Variants in ADCY5 observed in about 807,000 individuals in gnomAD.
ADCY5 encodes the protein adenylate cyclase 5, also known as adenylate cyclase type 5.
A neutral mutation model predicts 119.7 loss-of-function variants in ADCY5; 30 were observed. That is an observed-to-expected ratio of 0.25 (90% CI 0.19 to 0.34). The LOEUF is 0.34. ADCY5 is among the 10% of genes least tolerant of loss of function. The probability of loss-of-function intolerance (pLI) is 1.00; values close to 1 mark genes in which losing one functional copy is unlikely to be tolerated. For synonymous variants in ADCY5, 753 were observed against 762.2 expected, an observed-to-expected ratio of 0.99 and a Z score of 0.20; for missense variants, 1,324 against 1,775.2, an observed-to-expected ratio of 0.75 and a Z score of 4.57.
In ADCY5 at chr3:123,289,747, C is replaced by T. The variant is rs1014244038; in HGVS notation, c.3532+3G>A. ...GCTCAGCACTCCCTGGGCCCCCACT[C>T]ACCGATCTTCATCTGGAAGTTGTTG... On this transcript the variant is annotated splice_donor_region_variant and intron_variant, in intron 19 of 20. Coordinates refer to ENST00000462833, the MANE Select transcript of ADCY5 (RefSeq NM_183357.3). 6 of 1,613,300 alleles carry T rather than the reference C, an allele frequency of 3.7e-6. No individual in the cohort carries two copies. Among genetic ancestry groups the T allele is most frequent in the Non-Finnish European group, 5.1e-6 (6 of 1,179,994 alleles).
chr3:123,361,802 ATCT>A (rs1943259135), intron 1 of ADCY5, among the ~76,000 whole-genome samples: 2 of 152,246 alleles, frequency 1.3e-5, no homozygotes, highest in Admixed American at 1.3e-4. Context: ...TTTCATAAAC[ATCT>A]TCTACATGTA....
chr3:123,338,701 CT>C (rs1419924949), intron 3 of ADCY5, among the ~76,000 whole-genome samples: 1 of 152,258 alleles, frequency 6.6e-6, no homozygotes, highest in African/African-American at 2.4e-5. Context: ...CACTCACAGT[CT>C]CCTGCATTCT....
intron 12 of ADCY5, among the ~76,000 whole-genome samples, chr3:123,309,215 AG>A (rs1462063408): frequency 1.3e-5 from 2 of 152,200 alleles, no homozygotes; most frequent in Non-Finnish European, 2.9e-5. Context: ...CAAAGATAAA[AG>A]GAGGGGATGA....
chr3:123,402,248 C>T (rs1486928033), intron 1 of ADCY5, among the ~76,000 whole-genome samples: 1 of 152,230 alleles, frequency 6.6e-6, no homozygotes, highest in African/African-American at 2.4e-5. Context: ...ATGCCTAGAC[C>T]ACAAGCAGGA....
At chr3:123,371,070 G>A (rs1340179169) in intron 1 of ADCY5, among the ~76,000 whole-genome samples, 5 of 152,238 alleles carry the variant, frequency 3.3e-5, no homozygotes, top group Non-Finnish European at 5.9e-5. Context: ...ACGGAAGGAA[G>A]CACAGTGGCC....
At chr3:123,340,943 G>A (rs1277156732) in intron 3 of ADCY5, among the ~76,000 whole-genome samples, 1 of 151,784 alleles carries the variant, frequency 6.6e-6, no homozygotes, top group Non-Finnish European at 1.5e-5. Context: ...TGGCCAAAAT[G>A]GTGAAACCCC....
Position 123,289,947 on chromosome 3 carries a change from C to T in ADCY5, c.3335G>A (p.Ser1112Asn). The T allele has an allele frequency of 6.2e-7, 1 of 1,614,136 alleles. No homozygotes were observed. Among genetic ancestry groups the T allele is most frequent in the Non-Finnish European group, 8.5e-7 (1 of 1,180,006 alleles). Reference protein sequence around the residue: ...EIIADFDEIISEDRFRQLEKI... With the variant: ...EIIADFDEIINEDRFRQLEKI... ...CTCCAGCTGCCGGAACCGATCCTCG[C>T]TGATGATCTGGATGAAGGAGGCCAA... is the stretch of plus-strand genomic sequence containing the variant. The change falls in exon 19 of 21, where the codon AGC becomes AAC. Residue 1112 changes from serine (S) to asparagine (N), a missense_variant. Physicochemically the swap from Ser to Asn is conservative, Grantham distance 46 (BLOSUM62 1). This residue lies in a region of ADCY5 where 178 missense variants were observed against 329.6 expected (regional missense o/e 0.54). Coordinates refer to ENST00000462833, the MANE Select transcript of ADCY5 (RefSeq NM_183357.3).
At chr3:123,345,478 G>A (rs1201111362) in intron 3 of ADCY5, among the ~76,000 whole-genome samples, 1 of 152,188 alleles carries the variant, frequency 6.6e-6, no homozygotes, top group Non-Finnish European at 1.5e-5. Flanking sequence ...GCGGTGCCAG[G>A]GACAATGCCT....
At chr3:123,364,770 A>G (rs1181614903) in intron 1 of ADCY5, among the ~76,000 whole-genome samples, 1 of 151,980 alleles carries the variant, frequency 6.6e-6, no homozygotes, top group Non-Finnish European at 1.5e-5. Flanking sequence ...TCGAAATCAT[A>G]GAAAAGGAAA....
At chr3:123,385,501 C>T (rs1944191636) in intron 1 of ADCY5, among the ~76,000 whole-genome samples, 1 of 152,190 alleles carries the variant, frequency 6.6e-6, no homozygotes, top group African/African-American at 2.4e-5. Flanking sequence ...AATCATGACT[C>T]CTCTACATTC....
chr3:123,344,328 T>G (rs1008761987), intron 3 of ADCY5, among the ~76,000 whole-genome samples: 2 of 152,220 alleles, frequency 1.3e-5, no homozygotes, highest in African/African-American at 4.8e-5. Context: ...ATTCGCCAAC[T>G]AGAGAATCCC....
chr3:123,420,555 T>C (rs1021974673), intron 1 of ADCY5, among the ~76,000 whole-genome samples: 1 of 152,164 alleles, frequency 6.6e-6, no homozygotes, highest in Non-Finnish European at 1.5e-5. Flanking sequence ...TCCATTCTCC[T>C]ACACGGCCAA....
chr3:123,320,988 G>A (rs989836410), intron 8 of ADCY5, among the ~76,000 whole-genome samples: 4 of 152,134 alleles, frequency 2.6e-5, no homozygotes, highest in Non-Finnish European at 5.9e-5. Context: ...AGACGCCGGG[G>A]ATGCCCTGAG....
At chr3:123,412,926 G>A (rs140184483) in intron 1 of ADCY5, among the ~76,000 whole-genome samples, 185 of 152,224 alleles carry the variant, frequency 1.2e-3, no homozygotes, top group Non-Finnish European at 2.3e-3. Context: ...TCCCTCTCCC[G>A]GCACAGATGC....
chr3:123,396,017 AGAGG>A (rs1434937534), intron 1 of ADCY5, among the ~76,000 whole-genome samples: 15 of 116,846 alleles, frequency 1.3e-4, no homozygotes, highest in Middle Eastern at 4.4e-3. Context: ...AGAGAAAGAG[AGAGG>A]GAGGGAGGGA....
At chr3:123,443,433 T>G (rs377713603) in intron 1 of ADCY5, among the ~76,000 whole-genome samples, 2 of 152,132 alleles carry the variant, frequency 1.3e-5, no homozygotes, top group African/African-American at 4.8e-5. Flanking sequence ...GTCCACCACC[T>G]GGGTCAGCCT....
intron 1 of ADCY5, among the ~76,000 whole-genome samples, chr3:123,355,757 C>A (rs2108508170): frequency 6.6e-6 from 1 of 152,164 alleles, no homozygotes; most frequent in Admixed American, 6.5e-5. Flanking sequence ...GAGAGATATA[C>A]CATGTACAGA....
At chr3:123,332,448 A>G in intron 4 of ADCY5, 116 bp downstream of exon 4, 2 of 759,928 alleles carry the variant, frequency 2.6e-6, no homozygotes, top group Non-Finnish European at 4.5e-6. Flanking sequence ...GGCTCTGCTC[A>G]GCAGGATATA....
chr3:123,372,055 TG>T (rs1943661810), intron 1 of ADCY5, among the ~76,000 whole-genome samples: 4 of 152,220 alleles, frequency 2.6e-5, no homozygotes, highest in Non-Finnish European at 5.9e-5. Context: ...TTCATTCAGC[TG>T]GTGTTCCTCT....
Sources: allele counts gnomAD v4.1 joint callset (sites outside exome capture counted in the v4.1 genomes callset), GRCh38; gene constraint gnomAD v4.1.1; regional missense constraint gnomAD v4.1.1; transcripts MANE v1.5; gene names NCBI Gene and HGNC (gene_info 2026-07-23, HGNC 2026-07-21).